Variants in AGBL4 observed in about 807,000 individuals in gnomAD.
AGBL4 encodes AGBL carboxypeptidase 4, also known as cytosolic carboxypeptidase 6.
A neutral mutation model predicts 66.4 loss-of-function variants in AGBL4; 58 were observed. That is an observed-to-expected ratio of 0.87 (90% CI 0.71 to 1.09). The LOEUF is 1.09. Among genes scored for constraint, AGBL4 ranks in the 50% least tolerant of loss-of-function variants. AGBL4 has a pLI of 0.00. For synonymous variants in AGBL4, 234 were observed against 222.9 expected (o/e 1.05, Z -0.44); for missense variants, 579 against 631.0 (o/e 0.92, Z 0.88).
chr1:49,426,230 T>A (rs187008142), intron 3 of AGBL4, among the ~76,000 whole-genome samples: 450 of 152,264 alleles, frequency 3.0e-3, no homozygotes, highest in Non-Finnish European at 5.2e-3. Flanking sequence ...AGTGATAAAA[T>A]GAAAAGTCAT....
At chr1:49,443,549 G>A (rs890673102) in intron 3 of AGBL4, among the ~76,000 whole-genome samples, 2 of 151,778 alleles carry the variant, frequency 1.3e-5, no homozygotes, top group South Asian at 2.1e-4. Flanking sequence ...AAGCTCTTGT[G>A]TTTTGTCATA....
chr1:48,599,297 G>C (rs1645041567), intron 9 of AGBL4, among the ~76,000 whole-genome samples: 1 of 152,134 alleles, frequency 6.6e-6, no homozygotes, highest in African/African-American at 2.4e-5. Flanking sequence ...CAGTAACATA[G>C]TTACGTATTA....
intron 3 of AGBL4, among the ~76,000 whole-genome samples, chr1:49,531,685 C>T (rs527961759): frequency 1.3e-5 from 2 of 152,152 alleles, no homozygotes; most frequent in Admixed American, 6.5e-5. Flanking sequence ...GATAAGACAA[C>T]TGGGGTTCTG....
chr1:49,394,583 C>T (rs1410548809), intron 3 of AGBL4, among the ~76,000 whole-genome samples: 1 of 152,022 alleles, frequency 6.6e-6, no homozygotes, highest in Non-Finnish European at 1.5e-5. Flanking sequence ...CCCCCTCTTC[C>T]TCCAGAGAAA....
chr1:49,859,108 T>C (rs993882148), intron 1 of AGBL4, among the ~76,000 whole-genome samples: 1 of 152,170 alleles, frequency 6.6e-6, no homozygotes, highest in Non-Finnish European at 1.5e-5. Flanking sequence ...TCAATACGAC[T>C]ATTTCAGTAA....
chr1:49,618,852 A>C (rs977244802), intron 3 of AGBL4, among the ~76,000 whole-genome samples: 24 of 152,240 alleles, frequency 1.6e-4, no homozygotes, highest in African/African-American at 5.1e-4. Flanking sequence ...TCACATAAAC[A>C]GAAGCAATGA....
At chr1:48,758,682 C>G (rs927596593) in intron 6 of AGBL4, among the ~76,000 whole-genome samples, 1 of 152,180 alleles carries the variant, frequency 6.6e-6, no homozygotes, top group Non-Finnish European at 1.5e-5. Context: ...CCATGTTCGC[C>G]AATGTTCCCA....
chr1:49,474,981 G>A (rs1646818192), intron 3 of AGBL4, among the ~76,000 whole-genome samples: 2 of 152,018 alleles, frequency 1.3e-5, no homozygotes, highest in Non-Finnish European at 2.9e-5. Context: ...ACGTTGAATA[G>A]TAGTGGTGAA....
At chr1:48,798,364 A>G (rs1645737372) in intron 6 of AGBL4, among the ~76,000 whole-genome samples, 1 of 151,870 alleles carries the variant, frequency 6.6e-6, no homozygotes, top group Non-Finnish European at 1.5e-5. Context: ...TTTCTTGTAG[A>G]TTCTGGATAT....
intron 3 of AGBL4, among the ~76,000 whole-genome samples, chr1:49,493,254 C>G (rs917037307): frequency 1.3e-5 from 2 of 151,970 alleles, no homozygotes; most frequent in Non-Finnish European, 2.9e-5. Flanking sequence ...ATGCTTACTA[C>G]AATTCCTTGA....
intron 3 of AGBL4, among the ~76,000 whole-genome samples, chr1:49,655,885 G>A (rs1646118129): frequency 6.6e-6 from 1 of 152,130 alleles, no homozygotes; most frequent in Admixed American, 6.6e-5. Context: ...GTGGTGGCTA[G>A]TGCCTATAAT....
chr1:49,844,987 C>A, intron 2 of AGBL4: 2 of 1,408,424 alleles, frequency 1.4e-6, no homozygotes, highest in Non-Finnish European at 2.0e-6. Flanking sequence ...TCCTGAACAA[C>A]AAGGCCCCCA....
At chr1:48,714,032 G>A (rs780909424) in intron 6 of AGBL4, among the ~76,000 whole-genome samples, 39 of 152,188 alleles carry the variant, frequency 2.6e-4, no homozygotes, top group South Asian at 6.2e-4. Flanking sequence ...TAAATCTTGA[G>A]TACATCTCAT....
At chr1:49,657,113 G>A (rs1401298237) in intron 3 of AGBL4, among the ~76,000 whole-genome samples, 6 of 152,122 alleles carry the variant, frequency 3.9e-5, no homozygotes, top group African/African-American at 1.2e-4. Flanking sequence ...AAACCCCATC[G>A]TCTCAGACCA....
At chr1:49,488,118 C>T (rs530866319) in intron 3 of AGBL4, among the ~76,000 whole-genome samples, 1 of 151,844 alleles carries the variant, frequency 6.6e-6, no homozygotes, top group African/African-American at 2.4e-5. Flanking sequence ...TTTAGGTGTA[C>T]TGAATACCCA....
At chr1:49,558,676 C>T (rs1285634624) in intron 3 of AGBL4, among the ~76,000 whole-genome samples, 1 of 152,124 alleles carries the variant, frequency 6.6e-6, no homozygotes, top group Non-Finnish European at 1.5e-5. Flanking sequence ...TTGTACAGCA[C>T]CTCTGGACCT....
chr1:48,743,316 C>T lies in AGBL4; in HGVS notation c.635-80075G>A, dbSNP rs543949366. Among the ~76,000 whole-genome samples, 4 of 152,292 alleles carry T rather than the reference C, an allele frequency of 2.6e-5. No homozygotes were observed. In the South Asian group the frequency reaches 8.3e-4, roughly 32 times the overall value. On this transcript the variant is annotated intron_variant, in intron 6 of 13. Transcript: ENST00000371839. ...CACATTAAGCCCCTGATTGCCTGAT[C>T]CAGCAGCTACTCTGATTTTTATTTT...
chr1:49,382,190 G>A (rs1242721300), intron 3 of AGBL4, among the ~76,000 whole-genome samples: 2 of 151,872 alleles, frequency 1.3e-5, no homozygotes, highest in Non-Finnish European at 2.9e-5. Flanking sequence ...TGTAACTGAT[G>A]CAAAATAGTA....
chr1:48,685,012 G>C (rs867523365), intron 6 of AGBL4, among the ~76,000 whole-genome samples: 1 of 152,196 alleles, frequency 6.6e-6, no homozygotes, highest in African/African-American at 2.4e-5. Context: ...GGCAGGGCAG[G>C]TGAGTAAAGG....
Sources: gnomAD v4.1 joint callset for allele counts (sites outside exome capture counted in the v4.1 genomes callset) on GRCh38, gnomAD v4.1.1 for gene constraint, MANE v1.5 for transcripts, NCBI Gene and HGNC (gene_info 2026-07-23, HGNC 2026-07-21) for gene names.